The following HEATR9 variants were observed in gnomAD, a reference collection of about 807,000 sequenced individuals.
HEATR9 encodes protein HEATR9.
Under a neutral mutation model 68.2 loss-of-function variants are expected in HEATR9, and 54 were observed. The ratio of observed to expected loss-of-function variants is 0.79; its 90% CI spans 0.64 to 0.99. HEATR9 has a LOEUF of 0.99. HEATR9 is among the 50% of genes least tolerant of loss of function. The pLI, the probability that HEATR9 is intolerant of heterozygous loss-of-function variation, is 0.00. For synonymous variants in HEATR9, 241 were observed against 253.5 expected (o/e 0.95, Z 0.47); for missense variants, 662 against 679.7 (o/e 0.97, Z 0.29).
At chr17:35,864,426 G>C (rs2143957233) in intron 5 of HEATR9, 71 bp downstream of exon 5, 1 of 1,565,738 alleles carries the variant, frequency 6.4e-7, no homozygotes, top group Non-Finnish European at 8.8e-7. Flanking sequence ...ATCACGTCAA[G>C]CAGCTTTTTA....
chr17:35,858,750 A>C (rs1242961979), intron 9 of HEATR9, 138 bp downstream of exon 9: 4 of 987,334 alleles, frequency 4.1e-6, no homozygotes, highest in Non-Finnish European at 6.1e-6. Context: ...ATATGACCCC[A>C]TACTCATACA....
intron 8 of HEATR9, 135 bp downstream of exon 8, chr17:35,862,860 G>A: frequency 7.8e-7 from 1 of 1,289,328 alleles, no homozygotes; most frequent in African/African-American, 1.5e-5. Flanking sequence ...CAACTCCCGA[G>A]GGAACTCCTC....
chr17:35,863,686 A>C, intron 6 of HEATR9, 127 bp from the exon 7 acceptor site: 1 of 995,056 alleles, frequency 1.0e-6, no homozygotes. Context: ...TGACCTATCT[A>C]TTCTCAAATA....
intron 11 of HEATR9, among the ~76,000 whole-genome samples, chr17:35,857,482 G>A (rs1317789610): frequency 2.0e-5 from 3 of 152,048 alleles, no homozygotes; most frequent in East Asian, 1.9e-4. Flanking sequence ...ACCTAGGGCC[G>A]GGCGCAGTGG....
chr17:35,865,009 A>T, intron 3 of HEATR9, 119 bp from the exon 4 acceptor site: 1 of 1,421,274 alleles, frequency 7.0e-7, no homozygotes, highest in East Asian at 2.3e-5. Flanking sequence ...AGGAAGACAG[A>T]TGAGGACTCA....
intron 1 of HEATR9, 54 bp downstream of exon 1, chr17:35,868,601 A>G: frequency 1.9e-6 from 3 of 1,612,466 alleles, no homozygotes; most frequent in South Asian, 1.1e-5. Context: ...GCCAGGTAGC[A>G]TTTCTTTTTC....
chr17:35,856,549 A>G (rs2087777737), intron 12 of HEATR9, among the ~76,000 whole-genome samples, 183 bp downstream of exon 12: 1 of 152,154 alleles, frequency 6.6e-6, no homozygotes, highest in Non-Finnish European at 1.5e-5. Flanking sequence ...CAGATGAACA[A>G]AAGCTCAGGG....
At chr17:35,860,691 A>G (rs1455210080) in intron 8 of HEATR9, among the ~76,000 whole-genome samples, 1 of 151,060 alleles carries the variant, frequency 6.6e-6, no homozygotes, top group African/African-American at 2.4e-5. Flanking sequence ...GGGTTTCACC[A>G]TGTTAGCCAG....
In HEATR9 at chr17:35,856,241, G is replaced by A; in HGVS notation, c.1227-17C>T. ...ATCAGTTGTCTGTGTAGAAGGGAGTGAGTATGTTATAGTTGAATTAAGGAG... is the reference window on the plus strand; with the variant it reads ...ATCAGTTGTCTGTGTAGAAGGGAGTAAGTATGTTATAGTTGAATTAAGGAG... On this transcript the variant is annotated splice_polypyrimidine_tract_variant and intron_variant, in intron 12 of 14. Transcript: ENST00000604834. The A allele has an allele frequency of 6.2e-7, 1 of 1,614,086 alleles. No homozygotes were observed. The highest frequency in any genetic ancestry group is 8.5e-7 in the Non-Finnish European group (1 of 1,179,946).
rs1300021515 is a variant in HEATR9, at chr17:35,855,021, A to G, written c.*42T>C. ...GTTTTCTCATGGGAGCCTGAGAAGC[A>G]TCTTCAGGGAGGGAGTCGGGGAGTA... On this transcript the variant is annotated 3_prime_UTR_variant, in exon 15 of 15. Coordinates refer to ENST00000604834, the MANE Select transcript of HEATR9 (RefSeq NM_152781.4). The G allele has an allele frequency of 6.7e-6, 10 of 1,493,720 alleles. No individual in the cohort carries two copies. The highest frequency in any genetic ancestry group is 9.2e-6 in the Non-Finnish European group (10 of 1,083,970). 92.5% of individuals were successfully genotyped at this position (1,493,720 alleles called of 1,614,324 possible). A position where few individuals can be genotyped will look rare whatever the true frequency, so the allele number is the denominator to read the frequency against.
At chr17:35,861,410 T>G (rs1003156453) in intron 8 of HEATR9, 13 of 1,609,346 alleles carry the variant, frequency 8.1e-6, no homozygotes, top group Admixed American at 3.3e-5. Context: ...CGGAATGCTT[T>G]GGTCCACCTA....
intron 8 of HEATR9, 117 bp downstream of exon 8, chr17:35,862,878 G>T: frequency 7.0e-7 from 1 of 1,433,078 alleles, no homozygotes; most frequent in Non-Finnish European, 9.7e-7. Flanking sequence ...CTCAAGGACA[G>T]TGTCTTCCTC....
Position 35,863,052 on chromosome 17 carries a change from C to T in HEATR9, c.699G>A (p.Glu233=), listed in dbSNP as rs555326438. ...LKEKNEGQRM[E]TLTGLRMALN... ...GAGCCATTCGTAGCCCCGTCAAAGT[C>T]TCCATCCTTTGACCCTCATTTTTCT... Residue 233 remains glutamate, a synonymous_variant, in exon 8 of 15, where the codon GAG becomes GAA. Coordinates refer to ENST00000604834, the MANE Select transcript of HEATR9 (RefSeq NM_152781.4). The T allele has an allele frequency of 6.2e-7, 1 of 1,614,202 alleles. No individual in the cohort carries two copies. The highest frequency in any genetic ancestry group is 1.3e-5 in the African/African-American group (1 of 75,048).
intron 12 of HEATR9, 113 bp from the exon 13 acceptor site, chr17:35,856,337 A>G: frequency 6.2e-7 from 1 of 1,611,264 alleles, no homozygotes. Flanking sequence ...TGCTAATTTC[A>G]TTCATTTCCT....
intron 6 of HEATR9, chr17:35,863,942 T>A (rs891272310): frequency 1.1e-5 from 6 of 535,038 alleles, no homozygotes; most frequent in Non-Finnish European, 2.0e-5. Context: ...ACATATGCGG[T>A]GTTTCCAGTA....
intron 1 of HEATR9, among the ~76,000 whole-genome samples, chr17:35,868,077 A>G (rs557056432): frequency 2.6e-5 from 4 of 152,314 alleles, no homozygotes; most frequent in Non-Finnish European, 5.9e-5. Context: ...CACCGTGCCC[A>G]GTCGAGAATT....
At chr17:35,856,655 CCACTGACCCTCT>C (rs1336712476) in intron 12 of HEATR9, 65 bp downstream of exon 12, 3 of 1,307,214 alleles carry the variant, frequency 2.3e-6, no homozygotes, top group South Asian at 1.3e-5. Context: ...TGACCCCTTC[CCACTGACCCTCT>C]CACTGACCCT....
At chr17:35,867,066 A>G (rs906752763) in intron 1 of HEATR9, among the ~76,000 whole-genome samples, 1 of 151,092 alleles carries the variant, frequency 6.6e-6, no homozygotes, top group Non-Finnish European at 1.5e-5. Flanking sequence ...ACTGGCTAAC[A>G]TGGTGAAACC....
intron 8 of HEATR9, 53 bp downstream of exon 8, chr17:35,862,942 A>G (rs773013550): frequency 2.5e-6 from 4 of 1,613,038 alleles, no homozygotes; most frequent in Non-Finnish European, 3.4e-6. Context: ...AGCTAAACCT[A>G]TCAATTACCT....
Sources: gnomAD v4.1 joint callset for allele counts (sites outside exome capture counted in the v4.1 genomes callset) on GRCh38, gnomAD v4.1.1 for gene constraint, MANE v1.5 for transcripts, NCBI Gene and HGNC (gene_info 2026-07-23, HGNC 2026-07-21) for gene names.